The following PTPRK variants were observed in gnomAD, a reference collection of about 807,000 sequenced individuals.
PTPRK encodes the protein receptor-type tyrosine-protein phosphatase kappa.
Under a neutral mutation model 178.0 loss-of-function variants are expected in PTPRK, and 75 were observed. The ratio of observed to expected loss-of-function variants is 0.42; its 90% CI spans 0.35 to 0.51. The LOEUF is 0.51. Ranked by LOEUF, PTPRK falls within the 20% of genes least tolerant of loss-of-function variation. The pLI, the probability that PTPRK is intolerant of heterozygous loss-of-function variation, is 0.02. For synonymous variants in PTPRK, 637 were observed against 620.6 expected, an observed-to-expected ratio of 1.03 and a Z score of -0.39; for missense variants, 1,441 against 1,797.8, an observed-to-expected ratio of 0.80 and a Z score of 3.59.
chr6:128,468,483 T>C (rs149416467), intron 1 of PTPRK, among the ~76,000 whole-genome samples: 1 of 152,288 alleles, frequency 6.6e-6, no homozygotes, highest in African/African-American at 2.4e-5. Flanking sequence ...TCAGTAATGT[T>C]TATTTTCAAG....
chr6:128,014,569 C>A (rs184412966), intron 13 of PTPRK, among the ~76,000 whole-genome samples: 1 of 151,666 alleles, frequency 6.6e-6, no homozygotes, highest in Admixed American at 6.6e-5. Context: ...TAGTAGTAGA[C>A]GCTGCTGCTC....
At chr6:128,369,844 T>C (rs890357744) in intron 2 of PTPRK, among the ~76,000 whole-genome samples, 2 of 152,032 alleles carry the variant, frequency 1.3e-5, no homozygotes, top group Non-Finnish European at 1.5e-5. Context: ...TTTGTTCCAA[T>C]GATGGGAGGT....
intron 1 of PTPRK, among the ~76,000 whole-genome samples, chr6:128,502,094 A>G (rs937084369): frequency 6.6e-6 from 1 of 152,226 alleles, no homozygotes. Context: ...TACAAGCTAC[A>G]TTTACTGAAA....
chr6:128,218,407 C>A (rs528120928), intron 6 of PTPRK, among the ~76,000 whole-genome samples: 26 of 152,022 alleles, frequency 1.7e-4, no homozygotes, highest in Non-Finnish European at 3.5e-4. Context: ...CTTTAGTATC[C>A]AAGAATATTA....
chr6:128,274,112 C>G (rs897890634), intron 3 of PTPRK, among the ~76,000 whole-genome samples: 2 of 152,002 alleles, frequency 1.3e-5, no homozygotes, highest in African/African-American at 2.4e-5. Context: ...TAAATTATAC[C>G]TTTACAATAT....
intron 1 of PTPRK, among the ~76,000 whole-genome samples, chr6:128,471,443 G>GA (rs1347187400): frequency 1.3e-5 from 2 of 151,222 alleles, no homozygotes; most frequent in African/African-American, 4.9e-5. Flanking sequence ...TCCTGTTCCA[G>GA]AAAAAAATAA....
chr6:128,151,838 A>G (rs1247773624), intron 7 of PTPRK, among the ~76,000 whole-genome samples: 3 of 152,082 alleles, frequency 2.0e-5, no homozygotes, highest in Non-Finnish European at 4.4e-5. Context: ...TAAAAAGGCA[A>G]TTCTTTGAAA....
At chr6:128,256,187 A>C (rs1412405561) in intron 3 of PTPRK, among the ~76,000 whole-genome samples, 1 of 152,184 alleles carries the variant, frequency 6.6e-6, no homozygotes, top group African/African-American at 2.4e-5. Flanking sequence ...GTTATATGTG[A>C]TAAAGCAGAG....
intron 7 of PTPRK, among the ~76,000 whole-genome samples, chr6:128,139,068 T>C (rs1174151445): frequency 2.0e-5 from 3 of 151,734 alleles, no homozygotes; most frequent in African/African-American, 7.3e-5. Context: ...TAGAGAAAAA[T>C]AGCATGAAGT....
intron 3 of PTPRK, among the ~76,000 whole-genome samples, chr6:128,316,016 G>C (rs1347641562): frequency 6.6e-6 from 1 of 152,084 alleles, no homozygotes; most frequent in African/African-American, 2.4e-5. Flanking sequence ...CAACATAATT[G>C]AAGACAAAAA....
At chr6:128,479,203 G>A (rs922084518) in intron 1 of PTPRK, among the ~76,000 whole-genome samples, 1 of 151,946 alleles carries the variant, frequency 6.6e-6, no homozygotes, top group African/African-American at 2.4e-5. Context: ...TACTTCCCCA[G>A]CATCAATAAA....
intron 1 of PTPRK, among the ~76,000 whole-genome samples, chr6:128,495,596 C>CA (rs1427788854): frequency 2.0e-5 from 3 of 152,140 alleles, no homozygotes; most frequent in African/African-American, 7.2e-5. Flanking sequence ...TTTACCTGTA[C>CA]ACTTCTCTCA....
chr6:127,983,095 A>C (rs1330544324), intron 23 of PTPRK, 115 bp from the exon 24 acceptor site: 19 of 1,298,356 alleles, frequency 1.5e-5, no homozygotes, highest in East Asian at 7.4e-5. Context: ...TAAAACACCA[A>C]TATTTTTCTA....
At chr6:128,171,978 G>C (rs936949159) in intron 7 of PTPRK, among the ~76,000 whole-genome samples, 6 of 151,834 alleles carry the variant, frequency 4.0e-5, no homozygotes, top group African/African-American at 1.4e-4. Flanking sequence ...ATAAGGGATT[G>C]ATCAACCAAC....
At chr6:128,108,506 G>A (rs922555016) in intron 7 of PTPRK, among the ~76,000 whole-genome samples, 2 of 152,048 alleles carry the variant, frequency 1.3e-5, no homozygotes, top group African/African-American at 2.4e-5. Flanking sequence ...TACTGATAGG[G>A]GATTGAATAA....
chr6:128,216,035 T>C (rs747734535), intron 6 of PTPRK, among the ~76,000 whole-genome samples: 9 of 151,968 alleles, frequency 5.9e-5, no homozygotes, highest in Non-Finnish European at 1.3e-4. Context: ...GGTTTTCAAA[T>C]AAAACAGCAA....
At chr6:128,104,317 C>T (rs540700313) in intron 7 of PTPRK, among the ~76,000 whole-genome samples, 150 of 152,298 alleles carry the variant, frequency 9.8e-4, no homozygotes, top group African/African-American at 3.4e-3. Flanking sequence ...AGCTCCACCT[C>T]CCAGGTTCTC....
At chr6:128,157,626 G>T (rs879770306) in intron 7 of PTPRK, among the ~76,000 whole-genome samples, 1 of 151,926 alleles carries the variant, frequency 6.6e-6, no homozygotes, top group Admixed American at 6.6e-5. Context: ...TATAAGGATT[G>T]CCATTCTAAC....
At chr6:128,452,088 C>A (rs924351163) in intron 1 of PTPRK, among the ~76,000 whole-genome samples, 1 of 152,130 alleles carries the variant, frequency 6.6e-6, no homozygotes, top group Non-Finnish European at 1.5e-5. Flanking sequence ...TATTTGAGGA[C>A]CGGCCACATG....
Sources: gnomAD v4.1 joint callset for allele counts (sites outside exome capture counted in the v4.1 genomes callset) on GRCh38, gnomAD v4.1.1 for gene constraint, MANE v1.5 for transcripts, NCBI Gene and HGNC (gene_info 2026-07-23, HGNC 2026-07-21) for gene names.